Variants in THRB observed in about 807,000 individuals in gnomAD.
The protein encoded by THRB is nuclear receptor subfamily 1 group A member 2.
A neutral mutation model predicts 47.8 loss-of-function variants in THRB; 12 were observed. The ratio of observed to expected loss-of-function variants is 0.25; its 90% CI spans 0.16 to 0.41. The LOEUF is 0.41. Among genes scored for constraint, THRB ranks in the 10% least tolerant of loss-of-function variants. The pLI is 1.00. For missense variants in THRB, 348 were observed against 589.2 expected (o/e 0.59, Z 4.24); for synonymous variants, 218 against 212.2 (o/e 1.03, Z -0.24).
intron 2 of THRB, among the ~76,000 whole-genome samples, chr3:24,334,558 G>A (rs75195472): frequency 0.035 from 5,352 of 152,240 alleles, 311 homozygotes; most frequent in African/African-American, 0.12. Flanking sequence ...GCCTCACTAT[G>A]GCATCTCATT....
rs557258005 is a variant in THRB, at chr3:24,253,950, C to A, written c.-42-24949G>T. Among the ~76,000 whole-genome samples the A allele has an allele frequency of 1.0e-4, 15 of 150,384 alleles. No individual in the cohort carries two copies. The East Asian group carries it at 2.5e-3, about 25-fold the overall frequency. The stretch of plus-strand genomic sequence containing the variant: ...AGAGAGAACCAGTTGTCCCTCAGAA[C>A]CATTTTTTTTTTTTCTTACCACACA... On this transcript the variant is annotated intron_variant, in intron 3 of 10. Transcript: ENST00000646209.
At chr3:24,183,563 G>C (rs1391893243) in intron 5 of THRB, among the ~76,000 whole-genome samples, 1 of 151,092 alleles carries the variant, frequency 6.6e-6, no homozygotes, top group Admixed American at 6.6e-5. Flanking sequence ...GTAGAGACAG[G>C]GTTTCATCAT....
intron 1 of THRB, among the ~76,000 whole-genome samples, chr3:24,374,255 A>G (rs1207733494): frequency 6.6e-6 from 1 of 152,158 alleles, no homozygotes; most frequent in Admixed American, 6.6e-5. Flanking sequence ...AATATTAAGT[A>G]CTAAATATTG....
intron 1 of THRB, among the ~76,000 whole-genome samples, chr3:24,396,955 CA>C (rs2067010179): frequency 6.6e-6 from 1 of 151,998 alleles, no homozygotes; most frequent in South Asian, 2.1e-4. Flanking sequence ...AAAAATTTAC[CA>C]GTTCTTTTTT....
intron 1 of THRB, among the ~76,000 whole-genome samples, chr3:24,344,524 A>G (rs1434611374): frequency 1.3e-5 from 2 of 152,128 alleles, no homozygotes; most frequent in African/African-American, 4.8e-5. Context: ...TTCAAACAGA[A>G]ACAAATAACA....
At chr3:24,259,126 C>T (rs1279690594) in intron 3 of THRB, among the ~76,000 whole-genome samples, 2 of 152,126 alleles carry the variant, frequency 1.3e-5, no homozygotes, top group East Asian at 1.9e-4. Flanking sequence ...ATCAAAAATT[C>T]GAGGATGGAG....
chr3:24,143,572 T>G lies in THRB; in HGVS notation c.667A>C (p.Lys223Gln). 6.2e-7 allele frequency: 1 copy of G among 1,614,228 alleles called. No individual in the cohort carries two copies. Among genetic ancestry groups the G allele is most frequent in the South Asian group, 1.1e-5 (1 of 91,086 alleles). ...GCCACATGGGCTTCGGTGACAGTTTTGATGAGCTCCCATTCCTCGTCTGTG... is the reference window on the plus strand; with the variant it reads ...GCCACATGGGCTTCGGTGACAGTTTGGATGAGCTCCCATTCCTCGTCTGTG... ...EPTDEEWELI[K>Q]TVTEAHVATN... Residue 223 changes from lysine (K) to glutamine (Q), a missense_variant, in exon 8 of 11, where the codon AAA (lysine) becomes CAA (glutamine). Transcript: ENST00000646209.
At chr3:24,453,287 A>G (rs1004400369) in intron 1 of THRB, among the ~76,000 whole-genome samples, 2 of 152,244 alleles carry the variant, frequency 1.3e-5, no homozygotes, top group African/African-American at 2.4e-5. Flanking sequence ...TTTCATAACA[A>G]CTTCACATCA....
chr3:24,442,836 A>C (rs572203526), intron 1 of THRB, among the ~76,000 whole-genome samples: 4 of 151,872 alleles, frequency 2.6e-5, no homozygotes, highest in Admixed American at 6.6e-5. Flanking sequence ...AAAAAAAAAA[A>C]AAAACAAAAA....
chr3:24,413,913 G>C (rs1231702907), intron 1 of THRB, among the ~76,000 whole-genome samples: 4 of 151,768 alleles, frequency 2.6e-5, no homozygotes, highest in African/African-American at 9.7e-5. Context: ...ACTATCGCAA[G>C]GACAGAAAAC....
intron 8 of THRB, among the ~76,000 whole-genome samples, chr3:24,138,033 C>T (rs190406456): frequency 7.6e-4 from 116 of 151,916 alleles, no homozygotes; most frequent in African/African-American, 2.7e-3. Context: ...GGGGTGACCT[C>T]AGCCCCTGCT....
intron 2 of THRB, among the ~76,000 whole-genome samples, chr3:24,336,045 G>C (rs2149415146): frequency 6.6e-6 from 1 of 152,350 alleles, no homozygotes; most frequent in African/African-American, 2.4e-5. Context: ...ATGGGAAAAG[G>C]AGAGGGCTAT....
At chr3:24,441,094 C>T (rs2071483846) in intron 1 of THRB, among the ~76,000 whole-genome samples, 1 of 152,166 alleles carries the variant, frequency 6.6e-6, no homozygotes, top group Non-Finnish European at 1.5e-5. Flanking sequence ...AAGATCCCTA[C>T]TTTTGCTGGC....
intron 3 of THRB, among the ~76,000 whole-genome samples, chr3:24,262,171 T>C (rs2052125553): frequency 6.6e-6 from 1 of 152,180 alleles, no homozygotes; most frequent in African/African-American, 2.4e-5. Flanking sequence ...ACAAACTTGT[T>C]CCATCCTCTG....
At chr3:24,204,745 A>C (rs369092680) in intron 4 of THRB, among the ~76,000 whole-genome samples, 83 of 152,298 alleles carry the variant, frequency 5.4e-4, no homozygotes, top group African/African-American at 1.6e-3. Context: ...AAAGAAGCTA[A>C]AAACCTTGAA....
In THRB at chr3:24,117,924, T is replaced by C. The variant is rs2030953547; in HGVS notation, c.*4960A>G. ...AGTAATATTCCTGAATAATTTGAGA[T>C]GAGAAGATGAATGTTGTCCTTGAGC... On this transcript the variant is annotated 3_prime_UTR_variant, in exon 11 of 11. Transcript: ENST00000646209. The C allele has an allele frequency of 1.3e-5, 2 of 152,214 alleles. No homozygotes were observed. The highest frequency in any genetic ancestry group is 4.1e-4 in the South Asian group (2 of 4,828). The allele number at this position is 152,214 out of a possible 1,614,324, so 9.4% of individuals were successfully genotyped here.
At chr3:24,267,860 T>A (rs1357286837) in intron 3 of THRB, among the ~76,000 whole-genome samples, 1 of 152,138 alleles carries the variant, frequency 6.6e-6, no homozygotes, top group Admixed American at 6.5e-5. Context: ...CCGGTACCCA[T>A]CCCAATGGTC....
intron 1 of THRB, chr3:24,493,960 A>C (rs1350041299): frequency 2.6e-5 from 4 of 152,232 alleles, no homozygotes; most frequent in Non-Finnish European, 5.9e-5. Flanking sequence ...AGTTGGCACA[A>C]TTGGTATCAC....
intron 3 of THRB, among the ~76,000 whole-genome samples, chr3:24,253,953 T>C (rs991726328): frequency 2.2e-5 from 3 of 136,126 alleles, no homozygotes; most frequent in East Asian, 2.0e-4. Context: ...CTCAGAACCA[T>C]TTTTTTTTTT....
Sources: gnomAD v4.1 joint callset for allele counts (sites outside exome capture counted in the v4.1 genomes callset) on GRCh38, gnomAD v4.1.1 for gene constraint, MANE v1.5 for transcripts, NCBI Gene and HGNC (gene_info 2026-07-23, HGNC 2026-07-21) for gene names.